Variants in NPNT observed in about 807,000 individuals in gnomAD.
The protein encoded by NPNT is preosteoblast EGF-like repeat protein with MAM domain.
A neutral mutation model predicts 68.6 loss-of-function variants in NPNT; 45 were observed. The ratio of observed to expected loss-of-function variants is 0.66; its 90% CI spans 0.52 to 0.84. The LOEUF (loss-of-function observed/expected upper bound fraction) is 0.84. Among genes scored for constraint, NPNT ranks in the 40% least tolerant of loss-of-function variants. The pLI is 0.00. For synonymous variants in NPNT, 233 were observed against 253.3 expected (o/e 0.92, Z 0.76); for missense variants, 672 against 714.8 (o/e 0.94, Z 0.68).
intron 2 of NPNT, among the ~76,000 whole-genome samples, chr4:105,916,329 C>T (rs1727815839): frequency 6.6e-6 from 1 of 151,988 alleles, no homozygotes; most frequent in Admixed American, 6.6e-5. Flanking sequence ...AATGGACTCT[C>T]CTGCCTCAGC....
rs542844249 is a variant in NPNT at position 105,958,935 on chromosome 4, C to T, written c.1247-93C>T. On this transcript the variant is annotated intron_variant, in intron 9 of 11. Transcript: ENST00000379987. ...CTCTGGTTATATGGATAGGAGAGAA[C>T]ACTTGTTGTCTAGATACCCCTAGTT... 2.0e-5 allele frequency: 16 copies of T among 783,140 alleles called. 1 individual carries two copies. In the Middle Eastern group the frequency reaches 1.8e-3, roughly 88 times the overall value. 48.5% of individuals were successfully genotyped at this position (783,140 alleles called of 1,614,324 possible).
At chr4:105,958,965 G>C in intron 9 of NPNT, 63 bp from the exon 10 acceptor site, 1 of 1,035,018 alleles carries the variant, frequency 9.7e-7, no homozygotes. Flanking sequence ...CTAGTTCATA[G>C]ATTCATTTGT....
intron 8 of NPNT, among the ~76,000 whole-genome samples, chr4:105,956,328 A>C (rs1481539705): frequency 1.3e-5 from 2 of 151,992 alleles, no homozygotes; most frequent in Admixed American, 6.6e-5. Context: ...TTTTGCTTGG[A>C]AAGTTTCATT....
chr4:105,954,130 T>C (rs1005489808), intron 8 of NPNT, among the ~76,000 whole-genome samples: 12 of 152,202 alleles, frequency 7.9e-5, no homozygotes, highest in African/African-American at 2.9e-4. Context: ...TGGCCAGCAT[T>C]TCTTACAAGA....
At chr4:105,931,869 C>A (rs902566429) in intron 3 of NPNT, among the ~76,000 whole-genome samples, 9 of 151,912 alleles carry the variant, frequency 5.9e-5, no homozygotes, top group Admixed American at 2.0e-4. Context: ...GCTTTCAACT[C>A]CCAAAACCAA....
At chr4:105,915,406 G>C (rs1349661384) in intron 2 of NPNT, among the ~76,000 whole-genome samples, 1 of 152,132 alleles carries the variant, frequency 6.6e-6, no homozygotes, top group Non-Finnish European at 1.5e-5. Context: ...TTGGCAGACA[G>C]ACTTGCTGCA....
chr4:105,938,450 G>A (rs1729672829), intron 5 of NPNT, 30 bp downstream of exon 5: 3 of 1,608,902 alleles, frequency 1.9e-6, no homozygotes, highest in Non-Finnish European at 2.5e-6. Context: ...ATCTCTGTCA[G>A]CAGCCTCTGT....
chr4:105,927,286 A>G (rs1217006509), intron 2 of NPNT, 50 bp from the exon 3 acceptor site: 1 of 1,146,316 alleles, frequency 8.7e-7, no homozygotes, highest in East Asian at 2.4e-5. Context: ...ATGCTATATG[A>G]TTGGTGTTTC....
intron 8 of NPNT, 60 bp from the exon 9 acceptor site, chr4:105,958,411 C>T: frequency 1.1e-6 from 1 of 913,124 alleles, no homozygotes; most frequent in Non-Finnish European, 1.8e-6. Context: ...AAAGGTAATG[C>T]CTCTTTATCA....
rs140010912 is a variant in NPNT, at chr4:105,956,582, A to G, written c.1160-1889A>G. Reference sequence around the variant, plus strand: ...TTGGAGATGATTTATATAAGTTACAACAAAAGAAGGGGACAAAAACATGAT... The same window carrying G: ...TTGGAGATGATTTATATAAGTTACAGCAAAAGAAGGGGACAAAAACATGAT... On this transcript the variant is annotated intron_variant, in intron 8 of 11. Transcript: ENST00000379987. Among the ~76,000 whole-genome samples the G allele has an allele frequency of 5.6e-3, 850 of 152,258 alleles. 9 individuals carry two copies. Among genetic ancestry groups the G allele is most frequent in the African/African-American group, 0.02 (816 of 41,540 alleles).
chr4:105,937,268 T>C (rs1054635967), intron 4 of NPNT, 140 bp downstream of exon 4: 3 of 762,244 alleles, frequency 3.9e-6, no homozygotes, highest in African/African-American at 3.6e-5. Flanking sequence ...GCCTGAGGAA[T>C]TGAAAATCAA....
At chr4:105,953,851 A>G (rs987955711) in intron 8 of NPNT, among the ~76,000 whole-genome samples, 1 of 152,248 alleles carries the variant, frequency 6.6e-6, no homozygotes, top group African/African-American at 2.4e-5. Context: ...GGGTAATGCC[A>G]TAGGAACCAC....
At chr4:105,897,280 A>G (rs759281581) in intron 1 of NPNT, among the ~76,000 whole-genome samples, 45 of 152,234 alleles carry the variant, frequency 3.0e-4, no homozygotes, top group Non-Finnish European at 5.0e-4. Flanking sequence ...AACCACAAGG[A>G]TACTTGAGAT....
At chr4:105,957,781 G>A (rs981499264) in intron 8 of NPNT, among the ~76,000 whole-genome samples, 6 of 152,218 alleles carry the variant, frequency 3.9e-5, no homozygotes, top group Non-Finnish European at 8.8e-5. Flanking sequence ...TGATATTTAT[G>A]CTGGGCCTTG....
intron 2 of NPNT, among the ~76,000 whole-genome samples, chr4:105,905,255 T>C (rs1243765834): frequency 6.6e-6 from 1 of 152,224 alleles, no homozygotes; most frequent in Non-Finnish European, 1.5e-5. Context: ...TTCTAATAGT[T>C]ATTCTAATCC....
chr4:105,897,423 T>C (rs905140607), intron 1 of NPNT, among the ~76,000 whole-genome samples: 1 of 152,244 alleles, frequency 6.6e-6, no homozygotes, highest in Admixed American at 6.5e-5. Flanking sequence ...ACCTTTCTGC[T>C]CCTTCCCCCA....
chr4:105,909,824 T>G (rs1409918375), intron 2 of NPNT, among the ~76,000 whole-genome samples: 1 of 152,210 alleles, frequency 6.6e-6, no homozygotes, highest in African/African-American at 2.4e-5. Flanking sequence ...GGAGGACCTT[T>G]CCCTTTTATG....
At chr4:105,916,404 A>G (rs962719189) in intron 2 of NPNT, among the ~76,000 whole-genome samples, 1 of 147,996 alleles carries the variant, frequency 6.8e-6, no homozygotes, top group African/African-American at 2.5e-5. Context: ...TTTTTTTTTC[A>G]GTAGAGACGG....
In NPNT at chr4:105,927,360, A is replaced by T; in HGVS notation, c.197A>T (p.His66Leu). 4 of 1,612,768 alleles carry T rather than the reference A, an allele frequency of 2.5e-6. No homozygotes were observed. The highest frequency in any genetic ancestry group is 3.4e-6 in the Non-Finnish European group (4 of 1,179,112). ...CQPVCQPRCKHGECIGPNKCK... is the reference protein window; with the variant it reads ...CQPVCQPRCKLGECIGPNKCK... ...GCTGTGTGCCAACCACGATGCAAAC[A>T]TGGTGAATGTATCGGGCCAAACAAG... The change falls in exon 3 of 12, where the codon CAT (histidine) becomes CTT (leucine). Residue 66 changes from histidine to leucine, a missense_variant. Transcript: ENST00000379987.
Sources: gnomAD v4.1 joint callset for allele counts (sites outside exome capture counted in the v4.1 genomes callset) on GRCh38, gnomAD v4.1.1 for gene constraint, MANE v1.5 for transcripts, NCBI Gene and HGNC (gene_info 2026-07-23, HGNC 2026-07-21) for gene names.